The following ITPR3 variants were observed in gnomAD, a reference collection of about 807,000 sequenced individuals.
ITPR3 encodes inositol 1,4,5-trisphosphate-gated calcium channel ITPR3.
A neutral mutation model predicts 293.2 loss-of-function variants in ITPR3; 173 were observed. The ratio of observed to expected loss-of-function variants is 0.59; its 90% CI spans 0.52 to 0.67. The LOEUF is 0.67. Ranked by LOEUF, ITPR3 falls within the 30% of genes least tolerant of loss-of-function variation. The pLI, the probability that ITPR3 is intolerant of heterozygous loss-of-function variation, is 0.00. For synonymous variants in ITPR3, 1,295 were observed against 1,444.4 expected (o/e 0.90, Z 2.35); for missense variants, 2,796 against 3,592.1 (o/e 0.78, Z 5.66).
In ITPR3 at chr6:33,687,046, G is replaced by A; in HGVS notation, c.6017G>A (p.Ser2006Asn). Residue 2006 changes from serine (S) to asparagine (N), a missense_variant, in exon 44 of 58, where the codon AGC becomes AAC. Physicochemically the swap from Ser to Asn is conservative, Grantham distance 46. Transcript: ENST00000605930. The surrounding 1 kb of genome is among the most constrained non-coding windows in gnomAD (Gnocchi z 5.3). ...AAGCTGCTCCTGGCTCTGATGGAGA[G>A]CCGGCATGACAGTGAAAATGCTGAG... ...ASKLLLALME[S>N]RHDSENAERI... The A allele has an allele frequency of 6.2e-7, 1 of 1,614,036 alleles. No homozygotes were observed. The highest frequency in any genetic ancestry group is 8.5e-7 in the Non-Finnish European group (1 of 1,179,994).
chr6:33,673,126 C>T (rs1288517714), intron 22 of ITPR3, among the ~76,000 whole-genome samples: 2 of 152,218 alleles, frequency 1.3e-5, no homozygotes, highest in African/African-American at 2.4e-5. Flanking sequence ...AGCCCTGCAT[C>T]CTCACGTCTG....
chr6:33,646,484 A>G (rs1764069802), intron 2 of ITPR3, among the ~76,000 whole-genome samples: 1 of 151,732 alleles, frequency 6.6e-6, no homozygotes, highest in Non-Finnish European at 1.5e-5. Flanking sequence ...CTTTTCTTAT[A>G]GAAAGATAGC....
chr6:33,694,309 CTG>C (rs1357063135), intron 56 of ITPR3: 2 of 158,068 alleles, frequency 1.3e-5, no homozygotes, highest in African/African-American at 4.8e-5. Flanking sequence ...ATCGTTTAGT[CTG>C]TATTTCAAAC....
At position 33,679,299 on chromosome 6, in the gene ITPR3, G is replaced by A. The variant is rs1337107508; in HGVS notation, c.3972+460G>A. On this transcript the variant is annotated intron_variant, in intron 30 of 57. Coordinates refer to ENST00000605930, the MANE Select transcript of ITPR3 (RefSeq NM_002224.4). The surrounding 1 kb of genome is among the most constrained non-coding windows in gnomAD (Gnocchi z 4.2). ...TAGGTTCTCAACAGACACCTGTTGA[G>A]TGAAGGCACGAAGGATACAGGGCTG... 6.6e-6 allele frequency among the ~76,000 whole-genome samples: 1 copy of A among 152,138 alleles called. No individual in the cohort carries two copies. The highest frequency in any genetic ancestry group is 1.5e-5 in the Non-Finnish European group (1 of 68,018).
rs1417841516 is a variant in ITPR3, at chr6:33,664,952, C to T, written c.1231C>T (p.Arg411Trp). The change falls in exon 12 of 58, where the codon CGG becomes TGG. Residue 411 changes from arginine (R) to tryptophan (W), a missense_variant. Around this residue, in one of 8 missense-constraint regions of ITPR3, gnomAD observed 955 missense variants for 1,180.8 expected, o/e 0.81. Transcript: ENST00000605930. The surrounding 1 kb of genome is among the most constrained non-coding windows in gnomAD (Gnocchi z 4.4). The stretch of plus-strand genomic sequence containing the variant: ...TGTGCCCATTGACATCGAGGAGGAG[C>T]GGCCCATCCGGCTCATGGTGCGTGT... ...TNVPIDIEEE[R>W]PIRLMLGTCP... 3.8e-6 allele frequency: 6 copies of T among 1,598,918 alleles called. No homozygotes were observed. Among genetic ancestry groups the T allele is most frequent in the South Asian group, 1.1e-5 (1 of 90,686 alleles).
chr6:33,694,128 T>C (rs1765471734), intron 56 of ITPR3, among the ~76,000 whole-genome samples: 1 of 152,090 alleles, frequency 6.6e-6, no homozygotes, highest in Non-Finnish European at 1.5e-5. Flanking sequence ...AGGGAGTGTT[T>C]TCTAGCTCGG....
rs956875149 is a variant in ITPR3, at chr6:33,692,057, C to G, written c.7458+129C>G. ...TGAACCCCCTCCCCCGAACTTGTAT[C>G]CACTTTTCCCTGCTTTCCACACCTG... On this transcript the variant is annotated intron_variant, in intron 54 of 57. Coordinates refer to ENST00000605930, the MANE Select transcript of ITPR3 (RefSeq NM_002224.4). The surrounding 1 kb of genome is among the most constrained non-coding windows in gnomAD (Gnocchi z 4.2). 1 of 1,229,388 alleles carries G rather than the reference C, an allele frequency of 8.1e-7. No individual in the cohort carries two copies. Among genetic ancestry groups the G allele is most frequent in the African/African-American group, 1.5e-5 (1 of 67,966 alleles). 76.2% of individuals were successfully genotyped at this position (1,229,388 alleles called of 1,614,324 possible). A position where few individuals can be genotyped will look rare whatever the true frequency, so the allele number is the denominator to read the frequency against.
intron 1 of ITPR3, among the ~76,000 whole-genome samples, chr6:33,630,592 C>T (rs1022267505): frequency 7.2e-5 from 11 of 152,286 alleles, no homozygotes; most frequent in African/African-American, 2.4e-4. Context: ...CACCCAGCAC[C>T]GCTGTAGAGA....
Position 33,691,931 on chromosome 6 carries a change from G to A in ITPR3, c.7458+3G>A. On this transcript the variant is annotated splice_donor_region_variant and intron_variant, in intron 54 of 57. Transcript: ENST00000605930. The surrounding 1 kb of genome is among the most constrained non-coding windows in gnomAD (Gnocchi z 4.9). ...TTCTCCGCAAGCCCTCCAAAGATGT[G>A]AGCACTCCTGCCCACTCCCAAACCT... The A allele has an allele frequency of 6.2e-7, 1 of 1,613,826 alleles. No homozygotes were observed. The highest frequency in any genetic ancestry group is 8.5e-7 in the Non-Finnish European group (1 of 1,180,020).
At chr6:33,694,727 G>T in intron 56 of ITPR3, 197 bp from the exon 57 acceptor site, 12 of 590,028 alleles carry the variant, frequency 2.0e-5, no homozygotes, top group South Asian at 4.6e-5. Flanking sequence ...GTGGCAGAGG[G>T]TTGACAAGAG....
In ITPR3 at chr6:33,670,361, C is replaced by G; in HGVS notation, c.2226C>G (p.Asp742Glu). ...QLKLFARMCL[D>E]RQYLAIDEIS... ...AGCTCTTTGCCCGCATGTGCTTGGACCGCCAGTACTTGGCCATCGACGAGA... is the reference window on the plus strand; with the variant it reads ...AGCTCTTTGCCCGCATGTGCTTGGAGCGCCAGTACTTGGCCATCGACGAGA... The change falls in exon 19 of 58, where the codon GAC (aspartate) becomes GAG (glutamate). Residue 742 changes from aspartate to glutamate, a missense_variant. Coordinates refer to ENST00000605930, the MANE Select transcript of ITPR3 (RefSeq NM_002224.4). The surrounding 1 kb of genome is among the most constrained non-coding windows in gnomAD (Gnocchi z 6.7). 6.2e-7 allele frequency: 1 copy of G among 1,614,118 alleles called. No homozygotes were observed. The highest frequency in any genetic ancestry group is 8.5e-7 in the Non-Finnish European group (1 of 1,180,040).
Position 33,683,229 on chromosome 6 carries a change from G to A in ITPR3, c.4620G>A (p.Leu1540=), listed in dbSNP as rs1258289430. The A allele has an allele frequency of 1.9e-6, 3 of 1,543,102 alleles. No individual in the cohort carries two copies. In the African/African-American group the frequency reaches 4.1e-5, roughly 21 times the overall value. Residue 1540 remains leucine, a synonymous_variant, in exon 35 of 58, where the codon CTG becomes CTA. Transcript: ENST00000605930. This position sits in a 1 kb window ranked among gnomAD's most constrained non-coding sequence, Gnocchi z 4.5. ...CAGCCAAGGGCCGGGCCATCTTGCT[G>A]CCCATGGACCTGGATGCCCACATCA... ...AMVAKGRAIL[L]PMDLDAHISS... is the part of the protein sequence containing the mutation.
chr6:33,659,684 C>A, intron 7 of ITPR3, 135 bp downstream of exon 7: 1 of 706,294 alleles, frequency 1.4e-6, no homozygotes, highest in Non-Finnish European at 2.5e-6. Context: ...AGCCTCCCTC[C>A]ACCTCCACAG....
At position 33,687,225 on chromosome 6, in the gene ITPR3, G is replaced by A. The variant is rs772923391; in HGVS notation, c.6076-1G>A. 2 of 1,612,182 alleles carry A rather than the reference G, an allele frequency of 1.2e-6. No homozygotes were observed. The highest frequency in any genetic ancestry group is 1.7e-6 in the Non-Finnish European group (2 of 1,178,462). ...CATTGGAACAGGCACTGCCCCTCCA[G>A]GTGGACGTCATCAAGAAGGCCTACC... On this transcript the variant is annotated splice_acceptor_variant, in intron 44 of 57. Transcript: ENST00000605930. LOFTEE classifies it high-confidence loss of function. The surrounding 1 kb of genome is among the most constrained non-coding windows in gnomAD (Gnocchi z 5.3).
rs1284705785 is a variant in ITPR3 at position 33,684,394 on chromosome 6, G to A, written c.4975G>A (p.Glu1659Lys). 6.2e-7 allele frequency: 1 copy of A among 1,614,100 alleles called. No individual in the cohort carries two copies. Among genetic ancestry groups the A allele is most frequent in the East Asian group, 2.2e-5 (1 of 44,880 alleles). Residue 1659 changes from glutamate to lysine, a missense_variant, in exon 37 of 58, where the codon GAG becomes AAG. Around this residue, in one of 8 missense-constraint regions of ITPR3, gnomAD observed 704 missense variants for 797.5 expected, o/e 0.88. Coordinates refer to ENST00000605930, the MANE Select transcript of ITPR3 (RefSeq NM_002224.4). The surrounding 1 kb of genome is among the most constrained non-coding windows in gnomAD (Gnocchi z 4.2). ...QHTKDLMESEEKLCIKVLRTL... is the reference protein window; with the variant it reads ...QHTKDLMESEKKLCIKVLRTL... Reference sequence around the variant, plus strand: ...CACCAAGGACCTCATGGAGTCGGAGGAGAAGCTGTGCATCAAGGTGCTGCG... The same window carrying A: ...CACCAAGGACCTCATGGAGTCGGAGAAGAAGCTGTGCATCAAGGTGCTGCG...
intron 1 of ITPR3, among the ~76,000 whole-genome samples, chr6:33,636,630 C>G (rs1050063520): frequency 4.6e-5 from 7 of 151,832 alleles, no homozygotes; most frequent in Admixed American, 1.3e-4. Flanking sequence ...GGGAGGACCT[C>G]TGGAGGAGCA....
At chr6:33,685,862 G>A (rs780928950) in intron 41 of ITPR3, 35 bp downstream of exon 41, 17 of 1,547,538 alleles carry the variant, frequency 1.1e-5, no homozygotes, top group South Asian at 2.5e-5. Flanking sequence ...CCCTTCCCCC[G>A]CTGGCCAGCC....
rs368571872 is a variant in ITPR3 at position 33,691,827 on chromosome 6, C to T, written c.7357C>T (p.Arg2453Trp). The T allele has an allele frequency of 1.5e-5, 24 of 1,613,956 alleles. No individual in the cohort carries two copies. Among genetic ancestry groups the T allele is most frequent in the East Asian group, 8.9e-5 (4 of 44,882 alleles). ...GGACAGGGAGCTGGACAGCACAGAG[C>T]GGGCCTGTGACACTCTGTTGATGTG... Reference protein sequence around the residue: ...EEDRELDSTERACDTLLMCIV... With the variant: ...EEDRELDSTEWACDTLLMCIV... The change falls in exon 54 of 58, where the codon CGG (arginine) becomes TGG (tryptophan). Residue 2453 changes from arginine to tryptophan, a missense_variant. Physicochemically the swap from Arg to Trp is moderately radical, Grantham distance 101 (BLOSUM62 -3). Transcript: ENST00000605930. The surrounding 1 kb of genome is among the most constrained non-coding windows in gnomAD (Gnocchi z 4.9).
In ITPR3 at chr6:33,633,843, GGGGCCGGGCC is replaced by G. The variant is rs926146455; in HGVS notation, c.90-6632_90-6623del. Among the ~76,000 whole-genome samples, 13 of 146,222 alleles carry G rather than the reference GGGGCCGGGCC, an allele frequency of 8.9e-5. No homozygotes were observed. The highest frequency in any genetic ancestry group is 3.4e-4 in the Admixed American group (5 of 14,746). ...GGCGGGCGCGGGGCGGGCGCGGGGC[GGGGCCGGGCC>G]GGGCCGGGGCGGGGCCAGGGAGGCC... On this transcript the variant is annotated intron_variant, in intron 1 of 57. Coordinates refer to ENST00000605930, the MANE Select transcript of ITPR3 (RefSeq NM_002224.4). This position sits in a 1 kb window ranked among gnomAD's most constrained non-coding sequence, Gnocchi z 5.2.
Sources: allele counts gnomAD v4.1 joint callset (sites outside exome capture counted in the v4.1 genomes callset), GRCh38; gene constraint gnomAD v4.1.1; regional missense constraint gnomAD v4.1.1; non-coding constraint Gnocchi (gnomAD v3.1); transcripts MANE v1.5; gene names NCBI Gene and HGNC (gene_info 2026-07-23, HGNC 2026-07-21).